PYROXD1: variants seen among roughly 807,000 people sequenced by gnomAD.
PYROXD1 encodes the protein tRNA ligase complex-associated NAD(P)H dehydrogenase PYROXD1.
In PYROXD1, 42 loss-of-function variants were observed where a neutral mutation model predicts 62.0. The observed-to-expected ratio is 0.68, with a 90% CI of 0.53 to 0.88. The LOEUF is 0.88. Among genes scored for constraint, PYROXD1 ranks in the 40% least tolerant of loss-of-function variants. The pLI is 0.00. For synonymous variants in PYROXD1, 170 were observed against 206.4 expected (o/e 0.82, Z 1.51); for missense variants, 493 against 604.8 (o/e 0.82, Z 1.94).
rs1942867718 is a variant in PYROXD1, at chr12:21,469,298, A to T, written c.*544A>T. 2 of 154,154 alleles carry T rather than the reference A, an allele frequency of 1.3e-5. No individual in the cohort carries two copies. Among genetic ancestry groups the T allele is most frequent in the South Asian group, 4.1e-4 (2 of 4,934 alleles). The allele number at this position is 154,154 out of a possible 1,614,324, so 9.5% of individuals were successfully genotyped here. On this transcript the variant is annotated 3_prime_UTR_variant, in exon 12 of 12. Coordinates refer to ENST00000240651, the MANE Select transcript of PYROXD1 (RefSeq NM_024854.5). The stretch of plus-strand genomic sequence containing the variant: ...TGTCCAACTCTAGCCCACGGGTCTA[A>T]TGCAGCCCAGAACAGCTTTGAATGC...
chr12:21,452,735 G>A (rs1037495984), intron 5 of PYROXD1, among the ~76,000 whole-genome samples: 1 of 152,092 alleles, frequency 6.6e-6, no homozygotes, highest in Non-Finnish European at 1.5e-5. Flanking sequence ...GCTGTGTCCT[G>A]CAGAAGATTG....
chr12:21,464,255 A>G (rs1270420458), intron 10 of PYROXD1, among the ~76,000 whole-genome samples: 2 of 151,940 alleles, frequency 1.3e-5, no homozygotes, highest in East Asian at 3.9e-4. Context: ...AGTGCACCTT[A>G]TAGGCCCCAT....
At chr12:21,460,612 A>G (rs943866118) in intron 7 of PYROXD1, among the ~76,000 whole-genome samples, 1 of 151,922 alleles carries the variant, frequency 6.6e-6, no homozygotes, top group Non-Finnish European at 1.5e-5. Flanking sequence ...TAGTAGAGAC[A>G]GGGTTTCACC....
At position 21,466,069 on chromosome 12, in the gene PYROXD1, G is replaced by A. The variant is rs868124705; in HGVS notation, c.1117-1412G>A. Among the ~76,000 whole-genome samples the A allele has an allele frequency of 1.1e-3, 169 of 152,170 alleles. 2 individuals carry two copies. The highest frequency in any genetic ancestry group is 5.2e-4 in the Admixed American group (8 of 15,262). On this transcript the variant is annotated intron_variant, in intron 10 of 11. Transcript: ENST00000240651. ...GTACCATGCTGTTTTGGTTACTGTAGCCTTGTAGTACAGTTTGAAGTCAGG... is the reference window on the plus strand; with the variant it reads ...GTACCATGCTGTTTTGGTTACTGTAACCTTGTAGTACAGTTTGAAGTCAGG...
intron 11 of PYROXD1, among the ~76,000 whole-genome samples, chr12:21,467,863 T>G (rs1170462511): frequency 6.6e-6 from 1 of 152,000 alleles, no homozygotes; most frequent in African/African-American, 2.4e-5. Context: ...TCTCTCTAGA[T>G]CTGTTACTTG....
intron 10 of PYROXD1, among the ~76,000 whole-genome samples, chr12:21,464,480 A>C (rs1942755324): frequency 1.3e-5 from 2 of 152,106 alleles, no homozygotes; most frequent in Non-Finnish European, 2.9e-5. Context: ...AAATGCTTAA[A>C]ACTCATGTCT....
At chr12:21,438,340 T>C (rs1942232576) in intron 1 of PYROXD1, 1 of 152,904 alleles carries the variant, frequency 6.5e-6, no homozygotes, top group Non-Finnish European at 1.5e-5. Context: ...GCTTTCACCA[T>C]GTTGGCCAGG....
At chr12:21,467,708 TAC>T (rs1338164519) in intron 11 of PYROXD1, 90 bp downstream of exon 11, 2 of 1,011,762 alleles carry the variant, frequency 2.0e-6, no homozygotes, top group Non-Finnish European at 2.9e-6. Context: ...AATAAAAACG[TAC>T]ATAGTTTTAA....
At position 21,440,392 on chromosome 12, in the gene PYROXD1, G is replaced by A. The variant is rs2137237875; in HGVS notation, c.109G>A (p.Asp37Asn). ...GTTGGCTACTCACTTTCCATCGGAA[G>A]ATATTCTCTTGGTAACAGCTTCTCC... Reference protein sequence around the residue: ...EQLATHFPSEDILLVTASPVI... With the variant: ...EQLATHFPSENILLVTASPVI... The change falls in exon 2 of 12, where the codon GAT becomes AAT. Residue 37 changes from aspartate to asparagine, a missense_variant. Coordinates refer to ENST00000240651, the MANE Select transcript of PYROXD1 (RefSeq NM_024854.5). 4 of 1,597,850 alleles carry A rather than the reference G, an allele frequency of 2.5e-6. No individual in the cohort carries two copies. The highest frequency in any genetic ancestry group is 3.4e-6 in the Non-Finnish European group (4 of 1,172,570).
intron 4 of PYROXD1, among the ~76,000 whole-genome samples, chr12:21,450,267 A>G (rs1323715471): frequency 6.6e-6 from 1 of 152,178 alleles, no homozygotes; most frequent in East Asian, 1.9e-4. Flanking sequence ...ACTGTGCTGA[A>G]TATTAACAAC....
In PYROXD1 at chr12:21,454,232, C is replaced by T. The variant is rs571676000; in HGVS notation, c.489-900C>T. Among the ~76,000 whole-genome samples the T allele has an allele frequency of 1.0e-3, 152 of 151,780 alleles. 17 individuals carry two copies. The highest frequency in any genetic ancestry group is 1.3e-4 in the Non-Finnish European group (9 of 67,826). On this transcript the variant is annotated intron_variant, in intron 5 of 11. Transcript: ENST00000240651. ...AAATAAAGATGACAATACTTTGTAC[C>T]GTAAAGAAATGTGAAAAATTAATAC...
intron 1 of PYROXD1, among the ~76,000 whole-genome samples, chr12:21,438,831 T>C (rs895950092): frequency 6.6e-6 from 1 of 152,118 alleles, no homozygotes; most frequent in East Asian, 1.9e-4. Context: ...TAAACATATA[T>C]GATGCAGGCA....
rs77586281 is a variant in PYROXD1 at position 21,458,243 on chromosome 12, A to G, written c.750+2148A>G. Among the ~76,000 whole-genome samples, 845 of 152,180 alleles carry G rather than the reference A, an allele frequency of 5.6e-3. 6 individuals are homozygous for G. The highest frequency in any genetic ancestry group is 0.019 in the African/African-American group (784 of 41,508). On this transcript the variant is annotated intron_variant, in intron 7 of 11. Transcript: ENST00000240651. ...TTCTTTACTTAAACATCATGAACCA[A>G]CCTCTACTAGCTTCAGCCTTTTCTT...
At chr12:21,450,007 G>A (rs1433282978) in intron 4 of PYROXD1, among the ~76,000 whole-genome samples, 1 of 143,118 alleles carries the variant, frequency 7.0e-6, no homozygotes, top group Non-Finnish European at 1.5e-5. Flanking sequence ...ACAGGTGCCT[G>A]CCACCACGCC....
Position 21,437,777 on chromosome 12 carries a change from T to TCGG in PYROXD1, c.55_57dup (p.Gly19dup). Reference sequence around the variant, plus strand: ...CCGACGGCAGGGAAGTTCGTGGTGGTCGGCGGCGGCATCGCGGGCGTCACT... The same window carrying TCGG: ...CCGACGGCAGGGAAGTTCGTGGTGGTCGGCGGCGGCGGCATCGCGGGCGTCACT... On this transcript the variant is annotated inframe_insertion, in exon 1 of 12. Transcript: ENST00000240651. 6.2e-7 allele frequency: 1 copy of TCGG among 1,613,102 alleles called. No homozygotes were observed. The highest frequency in any genetic ancestry group is 8.5e-7 in the Non-Finnish European group (1 of 1,179,744).
At chr12:21,445,033 G>A (rs1167223669) in intron 2 of PYROXD1, among the ~76,000 whole-genome samples, 1 of 152,144 alleles carries the variant, frequency 6.6e-6, no homozygotes, top group Admixed American at 6.5e-5. Context: ...TGAAGGATAA[G>A]GAAATAAATA....
intron 7 of PYROXD1, 56 bp from the exon 8 acceptor site, chr12:21,460,969 A>C: frequency 6.9e-5 from 74 of 1,066,042 alleles, no homozygotes; most frequent in Non-Finnish European, 8.5e-5. Flanking sequence ...CATCATTAGT[A>C]ACCCGGGTTA....
chr12:21,451,530 A>G (rs1942498901), intron 4 of PYROXD1, among the ~76,000 whole-genome samples: 1 of 152,088 alleles, frequency 6.6e-6, no homozygotes. Context: ...TAATCCTTAC[A>G]GAAACATTAG....
rs1942512832 is a variant in PYROXD1, at chr12:21,452,174, T to A, written c.488+20T>A. 1 of 1,378,404 alleles carries A rather than the reference T, an allele frequency of 7.3e-7. No homozygotes were observed. Among genetic ancestry groups the A allele is most frequent in the Non-Finnish European group, 9.7e-7 (1 of 1,027,048 alleles). 85.4% of individuals were successfully genotyped at this position (1,378,404 alleles called of 1,614,324 possible). A position where few individuals can be genotyped will look rare whatever the true frequency, so the allele number is the denominator to read the frequency against. The stretch of plus-strand genomic sequence containing the variant: ...GTTAGTGTAAGTATATATTTTTAAA[T>A]ATGATAACATTTAAATTGTTTAAAA... On this transcript the variant is annotated intron_variant, in intron 5 of 11. Transcript: ENST00000240651.
Sources: allele counts gnomAD v4.1 joint callset (sites outside exome capture counted in the v4.1 genomes callset), GRCh38; gene constraint gnomAD v4.1.1; transcripts MANE v1.5; gene names NCBI Gene and HGNC (gene_info 2026-07-23, HGNC 2026-07-21).